The following ADAMTS6 variants were observed in gnomAD, a reference collection of about 807,000 sequenced individuals.
The protein encoded by ADAMTS6 is ADAM metallopeptidase with thrombospondin type 1 motif 6.
ADAMTS6 carries 23 observed loss-of-function variants against 144.3 expected under a neutral mutation model. The ratio of observed to expected loss-of-function variants is 0.16; its 90% CI spans 0.11 to 0.23. The LOEUF (loss-of-function observed/expected upper bound fraction) is 0.23. Among genes scored for constraint, ADAMTS6 ranks in the 10% least tolerant of loss-of-function variants. The pLI, the probability that ADAMTS6 is intolerant of heterozygous loss-of-function variation, is 1.00. For missense variants in ADAMTS6, 999 were observed against 1,379.6 expected, an observed-to-expected ratio of 0.72 and a Z score of 4.37; for synonymous variants, 444 against 457.5, an observed-to-expected ratio of 0.97 and a Z score of 0.38.
intron 3 of ADAMTS6, among the ~76,000 whole-genome samples, chr5:65,461,697 G>A (rs1759653656): frequency 6.6e-6 from 1 of 152,172 alleles, no homozygotes; most frequent in African/African-American, 2.4e-5. Flanking sequence ...GCCCTCAGGG[G>A]ATTGCCCCAG....
intron 9 of ADAMTS6, among the ~76,000 whole-genome samples, chr5:65,311,710 C>T (rs763117376): frequency 1.3e-5 from 2 of 151,988 alleles, no homozygotes; most frequent in Non-Finnish European, 1.5e-5. Context: ...ATAGCTTACT[C>T]TTGATTTAGG....
At chr5:65,276,782 C>T (rs1177709451) in intron 11 of ADAMTS6, among the ~76,000 whole-genome samples, 1 of 152,286 alleles carries the variant, frequency 6.6e-6, no homozygotes, top group Non-Finnish European at 1.5e-5. Flanking sequence ...TGCATGGCAA[C>T]CATCATAGTA....
chr5:65,229,826 A>G (rs1158776117), intron 15 of ADAMTS6, among the ~76,000 whole-genome samples: 1 of 152,150 alleles, frequency 6.6e-6, no homozygotes, highest in African/African-American at 2.4e-5. Flanking sequence ...TGGAAAAGAA[A>G]GTGGAATAGG....
intron 7 of ADAMTS6, among the ~76,000 whole-genome samples, chr5:65,398,765 GAGAA>G: frequency 6.9e-6 from 1 of 144,066 alleles, no homozygotes; most frequent in South Asian, 2.3e-4. Context: ...AAGAGAGAGA[GAGAA>G]AGAAGAGAGA....
At chr5:65,480,413 C>T (rs1761124984) in intron 1 of ADAMTS6, among the ~76,000 whole-genome samples, 1 of 152,034 alleles carries the variant, frequency 6.6e-6, no homozygotes, top group Non-Finnish European at 1.5e-5. Context: ...AGCCCATTTC[C>T]AGACAGCAGC....
intron 17 of ADAMTS6, 129 bp from the exon 18 acceptor site, chr5:65,224,529 A>G (rs1757577283): frequency 1.3e-6 from 1 of 764,452 alleles, no homozygotes. Flanking sequence ...GAATTATGAA[A>G]TATGGGCAAA....
chr5:65,373,687 A>G (rs375208961), intron 7 of ADAMTS6, among the ~76,000 whole-genome samples: 13 of 152,212 alleles, frequency 8.5e-5, no homozygotes, highest in East Asian at 3.9e-4. Flanking sequence ...GTACAAGGAG[A>G]AACTGGTACC....
intron 7 of ADAMTS6, among the ~76,000 whole-genome samples, chr5:65,409,274 CAG>C (rs1754847793): frequency 6.6e-6 from 1 of 151,846 alleles, no homozygotes; most frequent in South Asian, 2.1e-4. Flanking sequence ...AAGCAGAAAA[CAG>C]AGAAGAATCA....
intron 7 of ADAMTS6, among the ~76,000 whole-genome samples, chr5:65,416,861 A>C (rs1037183229): frequency 4.0e-5 from 6 of 151,666 alleles, no homozygotes; most frequent in African/African-American, 1.5e-4. Context: ...AGGAGGAGGG[A>C]CTCCTCCCTA....
intron 21 of ADAMTS6, among the ~76,000 whole-genome samples, chr5:65,196,522 C>CAAAAAA (rs533444182): frequency 0.032 from 1,218 of 38,012 alleles, 189 homozygotes; most frequent in African/African-American, 0.04. Context: ...GACTCCGTCT[C>CAAAAAA]AAAAAAAAAA....
chr5:65,275,420 G>A (rs900434560), intron 11 of ADAMTS6, among the ~76,000 whole-genome samples: 129 of 135,534 alleles, frequency 9.5e-4, no homozygotes, highest in Admixed American at 4.1e-3. Context: ...AGAAAGAAAA[G>A]AAAGAAAGAA....
At chr5:65,200,335 A>G (rs764750159) in intron 20 of ADAMTS6, among the ~76,000 whole-genome samples, 26 of 152,236 alleles carry the variant, frequency 1.7e-4, no homozygotes, top group Non-Finnish European at 3.4e-4. Flanking sequence ...GAAAATACAG[A>G]TCAACTGGAA....
chr5:65,336,994 T>C (rs1205580528), intron 7 of ADAMTS6, among the ~76,000 whole-genome samples: 1 of 152,122 alleles, frequency 6.6e-6, no homozygotes, highest in African/African-American at 2.4e-5. Context: ...ATATGTATCA[T>C]GGAATAGCAG....
intron 1 of ADAMTS6, among the ~76,000 whole-genome samples, chr5:65,479,792 G>T (rs1343803059): frequency 6.6e-6 from 1 of 152,160 alleles, no homozygotes; most frequent in East Asian, 1.9e-4. Context: ...CAGACATAAG[G>T]AGTATTACAG....
chr5:65,208,407 G>A (rs1300766056), intron 20 of ADAMTS6, among the ~76,000 whole-genome samples: 1 of 152,150 alleles, frequency 6.6e-6, no homozygotes, highest in Non-Finnish European at 1.5e-5. Flanking sequence ...TGCAGCCAAA[G>A]TTAAGAACCA....
Position 65,418,538 on chromosome 5 carries a change from T to C in ADAMTS6, c.1073+32937A>G, listed in dbSNP as rs528164513. On this transcript the variant is annotated intron_variant, in intron 7 of 24. Coordinates refer to ENST00000381055, the MANE Select transcript of ADAMTS6 (RefSeq NM_197941.4). ...AACTTAATCTTCCAAGTACCCCATG[T>C]ACATTTATTGAGCTTAATAATAATT... Among the ~76,000 whole-genome samples, 36 of 152,330 alleles carry C rather than the reference T, an allele frequency of 2.4e-4. 1 individual carries two copies. In the East Asian group the frequency reaches 6.2e-3, roughly 26 times the overall value.
intron 10 of ADAMTS6, chr5:65,297,314 T>C: frequency 2.2e-6 from 1 of 450,838 alleles, no homozygotes; most frequent in Non-Finnish European, 4.4e-6. Flanking sequence ...TGTTTTAGAA[T>C]GACACGAGAG....
chr5:65,279,007 G>C (rs1762782447), intron 11 of ADAMTS6, among the ~76,000 whole-genome samples: 1 of 147,444 alleles, frequency 6.8e-6, no homozygotes. Flanking sequence ...GTAGTGGTGT[G>C]AACATGGCTC....
At chr5:65,469,170 T>C (rs1046880696) in intron 3 of ADAMTS6, among the ~76,000 whole-genome samples, 1 of 152,208 alleles carries the variant, frequency 6.6e-6, no homozygotes, top group East Asian at 1.9e-4. Context: ...AAGAAAAAAT[T>C]AATAGGATGC....
Sources: gnomAD v4.1 joint callset for allele counts (sites outside exome capture counted in the v4.1 genomes callset) on GRCh38, gnomAD v4.1.1 for gene constraint, MANE v1.5 for transcripts, NCBI Gene and HGNC (gene_info 2026-07-23, HGNC 2026-07-21) for gene names.